The following UVRAG variants were observed in gnomAD, a reference collection of about 807,000 sequenced individuals.
The protein encoded by UVRAG is UV radiation resistance-associated gene protein.
In UVRAG, 19 loss-of-function variants were observed where a neutral mutation model predicts 78.0. That is an observed-to-expected ratio of 0.24 (90% confidence interval 0.17 to 0.36). The LOEUF is 0.36. Ranked by LOEUF, UVRAG falls within the 10% of genes least tolerant of loss-of-function variation. The pLI is 1.00. For synonymous variants in UVRAG, 323 were observed against 324.6 expected (o/e 1.00, Z 0.05); for missense variants, 740 against 853.8 (o/e 0.87, Z 1.66).
At chr11:76,024,047 C>T (rs1372117243) in intron 12 of UVRAG, among the ~76,000 whole-genome samples, 1 of 152,166 alleles carries the variant, frequency 6.6e-6, no homozygotes, top group African/African-American at 2.4e-5. Flanking sequence ...TCTCTGGAGA[C>T]TGGGATATTT....
At chr11:75,904,238 C>CT (rs1280342554) in intron 5 of UVRAG, among the ~76,000 whole-genome samples, 3 of 152,184 alleles carry the variant, frequency 2.0e-5, no homozygotes, top group Non-Finnish European at 4.4e-5. Context: ...GTTAAATTAT[C>CT]TATTTCCCTG....
chr11:76,081,912 C>T (rs1409341762), intron 13 of UVRAG, among the ~76,000 whole-genome samples: 1 of 135,416 alleles, frequency 7.4e-6, no homozygotes, highest in Admixed American at 7.8e-5. Flanking sequence ...ATTTCACCAG[C>T]ATGATGTAGA....
At chr11:75,980,716 T>TTG (rs1949372846) in intron 7 of UVRAG, among the ~76,000 whole-genome samples, 1 of 151,116 alleles carries the variant, frequency 6.6e-6, no homozygotes, top group Non-Finnish European at 1.5e-5. Context: ...AGTTTCACTC[T>TTG]CGTTGCCCAG....
intron 8 of UVRAG, among the ~76,000 whole-genome samples, chr11:75,989,362 T>C (rs1949562087): frequency 6.6e-6 from 1 of 152,146 alleles, no homozygotes; most frequent in African/African-American, 2.4e-5. Flanking sequence ...TCTGGAACTT[T>C]CTTTGTGTTT....
chr11:75,982,002 C>T (rs1949405127), intron 7 of UVRAG, among the ~76,000 whole-genome samples: 1 of 151,606 alleles, frequency 6.6e-6, no homozygotes, highest in African/African-American at 2.4e-5. Flanking sequence ...AGGTATTTAT[C>T]AGAAAATTGT....
chr11:75,892,872 C>T (rs568542757), intron 5 of UVRAG, among the ~76,000 whole-genome samples: 2 of 152,158 alleles, frequency 1.3e-5, no homozygotes, highest in East Asian at 3.9e-4. Context: ...TTGATGAAAT[C>T]GGAGAAATGT....
chr11:76,044,982 G>T (rs1011361098), intron 12 of UVRAG, among the ~76,000 whole-genome samples: 1 of 152,088 alleles, frequency 6.6e-6, no homozygotes, highest in Non-Finnish European at 1.5e-5. Flanking sequence ...GATTCATGCT[G>T]CAGAAGTCCA....
At chr11:75,894,213 T>A (rs1947288985) in intron 5 of UVRAG, among the ~76,000 whole-genome samples, 1 of 152,246 alleles carries the variant, frequency 6.6e-6, no homozygotes. Flanking sequence ...GCTGCTTGTC[T>A]AGGAACTGTC....
At chr11:76,011,540 A>C (rs1950050786) in intron 11 of UVRAG, among the ~76,000 whole-genome samples, 1 of 152,196 alleles carries the variant, frequency 6.6e-6, no homozygotes. Flanking sequence ...CACGAGAATC[A>C]CTTGAACCCA....
At chr11:75,887,733 C>A (rs534698369) in intron 4 of UVRAG, among the ~76,000 whole-genome samples, 1 of 152,010 alleles carries the variant, frequency 6.6e-6, no homozygotes, top group South Asian at 2.1e-4. Flanking sequence ...AGGCATGAGC[C>A]ACTGCGCCGG....
At chr11:75,919,412 G>A (rs574095235) in intron 6 of UVRAG, among the ~76,000 whole-genome samples, 100 of 152,252 alleles carry the variant, frequency 6.6e-4, no homozygotes, top group African/African-American at 2.1e-3. Context: ...AGTTAGGGGA[G>A]GAATTAAGAG....
chr11:75,917,145 C>G (rs1240165773), intron 6 of UVRAG, among the ~76,000 whole-genome samples: 1 of 152,134 alleles, frequency 6.6e-6, no homozygotes, highest in Non-Finnish European at 1.5e-5. Flanking sequence ...TAAATTCCTC[C>G]CGTAGTTAGC....
chr11:75,968,957 C>A (rs1047112750), intron 7 of UVRAG, among the ~76,000 whole-genome samples: 3 of 152,092 alleles, frequency 2.0e-5, no homozygotes, highest in African/African-American at 7.2e-5. Context: ...TAATAAACAG[C>A]CTCATTGACT....
At chr11:76,019,734 A>G (rs771368689) in intron 12 of UVRAG, among the ~76,000 whole-genome samples, 12 of 152,266 alleles carry the variant, frequency 7.9e-5, no homozygotes, top group African/African-American at 1.9e-4. Flanking sequence ...GGGAGACACA[A>G]TCACCCTCGT....
At chr11:75,854,268 G>A (rs1386197421) in intron 2 of UVRAG, among the ~76,000 whole-genome samples, 1 of 152,138 alleles carries the variant, frequency 6.6e-6, no homozygotes, top group Non-Finnish European at 1.5e-5. Context: ...CTTCTAGTTT[G>A]GGCTGCTGGT....
intron 7 of UVRAG, among the ~76,000 whole-genome samples, chr11:75,965,089 A>G (rs933421126): frequency 2.0e-5 from 3 of 152,248 alleles, no homozygotes; most frequent in Middle Eastern, 3.4e-3. Flanking sequence ...TATATTTCCA[A>G]CTGAATTTGG....
chr11:75,970,063 A>T (rs796669976), intron 7 of UVRAG, among the ~76,000 whole-genome samples: 6 of 152,378 alleles, frequency 3.9e-5, no homozygotes, highest in African/African-American at 1.2e-4. Flanking sequence ...GTCATAAAAA[A>T]TGATGAAAAG....
chr11:76,121,960 C>T (rs996559990), intron 14 of UVRAG, among the ~76,000 whole-genome samples: 8 of 152,136 alleles, frequency 5.3e-5, no homozygotes, highest in Admixed American at 1.3e-4. Context: ...CTGGGGACCA[C>T]GTCTTACTCA....
chr11:76,061,534 T>C (rs1238513648), intron 12 of UVRAG, among the ~76,000 whole-genome samples: 2 of 151,898 alleles, frequency 1.3e-5, no homozygotes, highest in Admixed American at 1.3e-4. Flanking sequence ...ACCGCGAAGG[T>C]CTGCAGCTTC....
Sources: allele counts gnomAD v4.1 joint callset (sites outside exome capture counted in the v4.1 genomes callset), GRCh38; gene constraint gnomAD v4.1.1; transcripts MANE v1.5; gene names NCBI Gene and HGNC (gene_info 2026-07-23, HGNC 2026-07-21).